Variants in PPP6C observed in about 807,000 individuals in gnomAD.
The protein encoded by PPP6C is serine/threonine-protein phosphatase 6 catalytic subunit.
Under a neutral mutation model 39.8 loss-of-function variants are expected in PPP6C, and 11 were observed. The observed-to-expected ratio is 0.28, with a 90% CI of 0.17 to 0.46. The LOEUF (loss-of-function observed/expected upper bound fraction) is 0.46. Ranked by LOEUF, PPP6C falls within the 20% of genes least tolerant of loss-of-function variation. The pLI is 1.00. For synonymous variants in PPP6C, 129 were observed against 130.3 expected (o/e 0.99, Z 0.07); for missense variants, 211 against 373.9 (o/e 0.56, Z 3.59).
intron 2 of PPP6C, among the ~76,000 whole-genome samples, chr9:125,162,706 G>A (rs117232207): frequency 0.015 from 2,209 of 149,210 alleles, 104 homozygotes; most frequent in Admixed American, 0.081. Flanking sequence ...AACCTGAGAG[G>A]TGGAGGATGC....
At chr9:125,176,234 A>C (rs1829294992) in intron 1 of PPP6C, among the ~76,000 whole-genome samples, 1 of 152,252 alleles carries the variant, frequency 6.6e-6, no homozygotes, top group Non-Finnish European at 1.5e-5. Context: ...GAAGAAAAAC[A>C]GGAGAGCATC....
At chr9:125,159,436 A>G (rs1310086108) in intron 3 of PPP6C, among the ~76,000 whole-genome samples, 1 of 149,474 alleles carries the variant, frequency 6.7e-6, no homozygotes, top group Non-Finnish European at 1.5e-5. Context: ...AGAACTCCTG[A>G]GCTTAAACAA....
chr9:125,152,723 G>C (rs766324959), intron 6 of PPP6C, among the ~76,000 whole-genome samples: 1 of 151,432 alleles, frequency 6.6e-6, no homozygotes, highest in Non-Finnish European at 1.5e-5. Flanking sequence ...CCAGCTACTC[G>C]GGAGGCTGAG....
At chr9:125,152,144 C>A (rs1209859443) in intron 6 of PPP6C, among the ~76,000 whole-genome samples, 1 of 152,132 alleles carries the variant, frequency 6.6e-6, no homozygotes, top group Non-Finnish European at 1.5e-5. Flanking sequence ...GGAGGCAGCA[C>A]AGCGCAGCAA....
chr9:125,157,806 T>C (rs1398060620), intron 4 of PPP6C, among the ~76,000 whole-genome samples: 1 of 151,434 alleles, frequency 6.6e-6, no homozygotes, highest in African/African-American at 2.4e-5. Context: ...TTCTCCTGCC[T>C]CAGCCTCCCG....
intron 1 of PPP6C, among the ~76,000 whole-genome samples, chr9:125,183,243 T>C (rs1020283129): frequency 2.6e-5 from 4 of 152,198 alleles, no homozygotes; most frequent in African/African-American, 9.7e-5. Context: ...ACTGCTTCTA[T>C]GACATTTTTC....
At chr9:125,150,877 G>GC in intron 6 of PPP6C, 1 of 826,328 alleles carries the variant, frequency 1.2e-6, no homozygotes, top group South Asian at 1.3e-5. Flanking sequence ...ACTAATACCT[G>GC]CAAGACTGCT....
chr9:125,155,449 G>C (rs1037703118), intron 4 of PPP6C, among the ~76,000 whole-genome samples: 1 of 152,156 alleles, frequency 6.6e-6, no homozygotes, highest in African/African-American at 2.4e-5. Flanking sequence ...CTAACAATGA[G>C]CTCAGGTTGC....
intron 1 of PPP6C, among the ~76,000 whole-genome samples, chr9:125,171,704 C>T (rs544343620): frequency 5.5e-4 from 83 of 151,696 alleles, no homozygotes; most frequent in Non-Finnish European, 8.8e-4. Context: ...CAGGCATGTG[C>T]CACCACACCC....
intron 1 of PPP6C, among the ~76,000 whole-genome samples, chr9:125,188,708 C>CG (rs1237630602): frequency 2.0e-5 from 3 of 151,578 alleles, no homozygotes; most frequent in Non-Finnish European, 4.4e-5. Context: ...CGCTTGAACC[C>CG]GGGAAGTGGA....
intron 2 of PPP6C, among the ~76,000 whole-genome samples, chr9:125,164,892 C>T (rs1052095155): frequency 1.6e-4 from 24 of 152,194 alleles, no homozygotes; most frequent in African/African-American, 5.5e-4. Flanking sequence ...TCATGTGCCA[C>T]CATGCCCAGC....
At position 125,147,898 on chromosome 9, in the gene PPP6C, T is replaced by C. The variant is rs1297974219; in HGVS notation, c.*1775A>G. On this transcript the variant is annotated 3_prime_UTR_variant, in exon 7 of 7. Coordinates refer to ENST00000373547, the MANE Select transcript of PPP6C (RefSeq NM_002721.5). ...AGTGTTTCACAATTAGTAAAATACA[T>C]AGCTACATATCCCTGTGAGATAAAA... 2 of 186,022 alleles carry C rather than the reference T, an allele frequency of 1.1e-5. No homozygotes were observed. The highest frequency in any genetic ancestry group is 1.4e-4 in the South Asian group (1 of 7,000). 11.5% of individuals were successfully genotyped at this position (186,022 alleles called of 1,614,324 possible).
chr9:125,184,220 T>A (rs1829476521), intron 1 of PPP6C, among the ~76,000 whole-genome samples: 1 of 151,966 alleles, frequency 6.6e-6, no homozygotes, highest in African/African-American at 2.4e-5. Context: ...ACCCCATCTT[T>A]ACCAAAAATA....
chr9:125,173,742 C>G (rs1287283707), intron 1 of PPP6C, among the ~76,000 whole-genome samples: 2 of 151,938 alleles, frequency 1.3e-5, no homozygotes, highest in Non-Finnish European at 2.9e-5. Context: ...CTCAGCCTCC[C>G]GAGTAGCTGG....
At chr9:125,183,510 T>C (rs1829461746) in intron 1 of PPP6C, among the ~76,000 whole-genome samples, 2 of 152,176 alleles carry the variant, frequency 1.3e-5, no homozygotes, top group African/African-American at 4.8e-5. Flanking sequence ...GTATGATTTT[T>C]CCCTAAAATA....
intron 6 of PPP6C, among the ~76,000 whole-genome samples, chr9:125,153,311 T>C (rs780740911): frequency 2.0e-5 from 3 of 152,152 alleles, no homozygotes; most frequent in Non-Finnish European, 4.4e-5. Flanking sequence ...ATTTACTTTA[T>C]ACATTATTAC....
At chr9:125,156,138 TAA>T (rs775040183) in intron 4 of PPP6C, among the ~76,000 whole-genome samples, 4 of 152,106 alleles carry the variant, frequency 2.6e-5, no homozygotes, top group South Asian at 4.1e-4. Context: ...TGAATGAAAA[TAA>T]AAAGTCACCT....
At chr9:125,159,838 A>G (rs1462090807) in intron 3 of PPP6C, among the ~76,000 whole-genome samples, 1 of 152,192 alleles carries the variant, frequency 6.6e-6, no homozygotes, top group Non-Finnish European at 1.5e-5. Flanking sequence ...CCTGGCCAAC[A>G]TAGTGAAATC....
intron 1 of PPP6C, among the ~76,000 whole-genome samples, chr9:125,181,640 C>T (rs1345444010): frequency 6.6e-6 from 1 of 152,164 alleles, no homozygotes; most frequent in Non-Finnish European, 1.5e-5. Context: ...CCAGCTTCAT[C>T]CATGTCCCTG....
Sources: gnomAD v4.1 joint callset for allele counts (sites outside exome capture counted in the v4.1 genomes callset) on GRCh38, gnomAD v4.1.1 for gene constraint, MANE v1.5 for transcripts, NCBI Gene and HGNC (gene_info 2026-07-23, HGNC 2026-07-21) for gene names.